Variants in PTPRK observed in about 807,000 individuals in gnomAD.
The protein encoded by PTPRK is protein tyrosine phosphatase receptor type K, also known as receptor-type tyrosine-protein phosphatase kappa.
PTPRK carries 75 observed loss-of-function variants against 178.0 expected under a neutral mutation model. The ratio of observed to expected loss-of-function variants is 0.42; its 90% CI spans 0.35 to 0.51. PTPRK has a LOEUF of 0.51. PTPRK is among the 20% of genes least tolerant of loss of function. The pLI, the probability that PTPRK is intolerant of heterozygous loss-of-function variation, is 0.02. For synonymous variants in PTPRK, 637 were observed against 620.6 expected (o/e 1.03, Z -0.39); for missense variants, 1,441 against 1,797.8 (o/e 0.80, Z 3.59).
chr6:127,993,551 T>C lies in PTPRK; in HGVS notation c.2845-842A>G, dbSNP rs149720559. On this transcript the variant is annotated intron_variant, in intron 18 of 29. Transcript: ENST00000368226. ...GTGGTACAATTTGTCCACATACTGG[T>C]GTGGGCAACTCAATACACATATAAA... Among the ~76,000 whole-genome samples, 130 of 151,806 alleles carry C rather than the reference T, an allele frequency of 8.6e-4. 2 individuals are homozygous for C. Among genetic ancestry groups the C allele is most frequent in the Non-Finnish European group, 5.9e-5 (4 of 67,666 alleles).
chr6:128,142,565 C>CA (rs1462164294), intron 7 of PTPRK, among the ~76,000 whole-genome samples: 1 of 151,344 alleles, frequency 6.6e-6, no homozygotes, highest in Non-Finnish European at 1.5e-5. Context: ...TATATATACA[C>CA]ACACACACGT....
chr6:128,131,842 C>T (rs910894595), intron 7 of PTPRK, among the ~76,000 whole-genome samples: 2 of 152,156 alleles, frequency 1.3e-5, no homozygotes, highest in African/African-American at 4.8e-5. Flanking sequence ...TGTCTTGTAA[C>T]ATAAATTGAA....
intron 2 of PTPRK, among the ~76,000 whole-genome samples, chr6:128,393,595 G>A (rs937905236): frequency 6.6e-6 from 1 of 152,102 alleles, no homozygotes; most frequent in African/African-American, 2.4e-5. Flanking sequence ...AGAGATTAAC[G>A]AATGGATAAG....
intron 13 of PTPRK, among the ~76,000 whole-genome samples, chr6:128,053,698 C>T (rs1166783624): frequency 6.6e-6 from 1 of 152,168 alleles, no homozygotes; most frequent in African/African-American, 2.4e-5. Flanking sequence ...TGAAGACAAG[C>T]TTCTGAATCT....
chr6:128,415,143 T>G (rs1271005556), intron 1 of PTPRK, among the ~76,000 whole-genome samples: 22 of 152,094 alleles, frequency 1.4e-4, no homozygotes, highest in Non-Finnish European at 2.9e-4. Context: ...TAGGGAAGTA[T>G]TACAAAATCA....
intron 3 of PTPRK, among the ~76,000 whole-genome samples, chr6:128,252,640 G>A (rs1207765827): frequency 6.6e-6 from 1 of 152,058 alleles, no homozygotes; most frequent in African/African-American, 2.4e-5. Flanking sequence ...TCTCAAGAAG[G>A]TTTTGACATA....
intron 13 of PTPRK, among the ~76,000 whole-genome samples, chr6:128,058,130 T>C (rs1252283590): frequency 6.6e-6 from 1 of 152,198 alleles, no homozygotes; most frequent in East Asian, 1.9e-4. Flanking sequence ...CTATAAATTT[T>C]GTACTACATG....
At chr6:128,049,361 C>A (rs1186759002) in intron 13 of PTPRK, among the ~76,000 whole-genome samples, 1 of 152,044 alleles carries the variant, frequency 6.6e-6, no homozygotes, top group East Asian at 1.9e-4. Context: ...ATTTCCCATA[C>A]CATTGGTTTT....
chr6:128,178,073 A>G (rs1801353259), intron 7 of PTPRK, among the ~76,000 whole-genome samples: 1 of 151,872 alleles, frequency 6.6e-6, no homozygotes, highest in African/African-American at 2.4e-5. Flanking sequence ...ACAAGTAAGG[A>G]ATTATGGATA....
Position 128,009,347 on chromosome 6 carries a change from C to G in PTPRK, c.2195-79G>C, listed in dbSNP as rs532678339. On this transcript the variant is annotated intron_variant, in intron 13 of 29. Transcript: ENST00000368226. ...AAAAATTATTCCCAGTAATTACCTC[C>G]AAGAAACACAACTTGTTTATTGTAT... The G allele has an allele frequency of 6.5e-5, 85 of 1,303,950 alleles. No individual in the cohort carries two copies. The East Asian group carries it at 1.5e-3, about 23-fold the overall frequency. The allele number at this position is 1,303,950 out of a possible 1,614,324, so 80.8% of individuals were successfully genotyped here.
intron 1 of PTPRK, among the ~76,000 whole-genome samples, chr6:128,425,006 T>G (rs974893252): frequency 4.6e-5 from 7 of 151,994 alleles, no homozygotes; most frequent in Non-Finnish European, 1.0e-4. Context: ...CATGAATAAG[T>G]TCTTTAGCGG....
intron 13 of PTPRK, among the ~76,000 whole-genome samples, chr6:128,042,395 T>C (rs1236522907): frequency 1.3e-5 from 2 of 151,920 alleles, no homozygotes; most frequent in Non-Finnish European, 2.9e-5. Context: ...AAAATCAAGG[T>C]GTTGGCAGGG....
At chr6:128,400,927 A>G (rs1840933936) in intron 1 of PTPRK, among the ~76,000 whole-genome samples, 1 of 152,222 alleles carries the variant, frequency 6.6e-6, no homozygotes, top group Non-Finnish European at 1.5e-5. Flanking sequence ...TGTTCAAGAA[A>G]TTTAGTTAGG....
chr6:127,979,181 T>G (rs1562373167), intron 25 of PTPRK, among the ~76,000 whole-genome samples: 1 of 152,164 alleles, frequency 6.6e-6, no homozygotes, highest in South Asian at 2.1e-4. Context: ...TAGGCTGAGG[T>G]GGGAGGACCA....
At chr6:127,972,378 G>A (rs1004790759) in intron 29 of PTPRK, among the ~76,000 whole-genome samples, 16 of 152,136 alleles carry the variant, frequency 1.1e-4, no homozygotes, top group African/African-American at 3.9e-4. Flanking sequence ...AGTAAAATGT[G>A]TTAGATAAGT....
At chr6:128,159,395 C>T (rs1355025265) in intron 7 of PTPRK, among the ~76,000 whole-genome samples, 1 of 151,742 alleles carries the variant, frequency 6.6e-6, no homozygotes, top group Non-Finnish European at 1.5e-5. Context: ...TTTTCATCAC[C>T]TTCTGGTTTA....
intron 1 of PTPRK, among the ~76,000 whole-genome samples, chr6:128,494,167 T>C (rs1291995457): frequency 1.5e-5 from 2 of 132,294 alleles, no homozygotes; most frequent in East Asian, 2.3e-4. Context: ...GCCACCGCAC[T>C]CCAGCCTGGG....
At chr6:128,183,549 C>T (rs749163270) in intron 7 of PTPRK, among the ~76,000 whole-genome samples, 5 of 152,002 alleles carry the variant, frequency 3.3e-5, no homozygotes, top group Non-Finnish European at 5.9e-5. Flanking sequence ...ATATGTTCTA[C>T]GATACATCAG....
chr6:128,316,029 A>G (rs990299688), intron 3 of PTPRK, among the ~76,000 whole-genome samples: 2 of 152,230 alleles, frequency 1.3e-5, no homozygotes, highest in African/African-American at 4.8e-5. Context: ...GACAAAAATA[A>G]TTTTAAATTG....
Sources: gnomAD v4.1 joint callset for allele counts (sites outside exome capture counted in the v4.1 genomes callset) on GRCh38, gnomAD v4.1.1 for gene constraint, MANE v1.5 for transcripts, NCBI Gene and HGNC (gene_info 2026-07-23, HGNC 2026-07-21) for gene names.